Variants in CLTCL1 observed in about 807,000 individuals in gnomAD.
The protein encoded by CLTCL1 is clathrin heavy chain like 1, also known as clathrin heavy chain 2.
Under a neutral mutation model 190.0 loss-of-function variants are expected in CLTCL1, and 159 were observed. The observed-to-expected ratio is 0.84, with a 90% CI of 0.74 to 0.95. CLTCL1 has a LOEUF of 0.95. CLTCL1 is among the 40% of genes least tolerant of loss of function. The pLI is 0.00. For synonymous variants in CLTCL1, 752 were observed against 769.6 expected (o/e 0.98, Z 0.38); for missense variants, 1,878 against 2,033.4 (o/e 0.92, Z 1.47).
At chr22:19,233,055 C>T in intron 9 of CLTCL1, 111 bp downstream of exon 9, 5 of 1,159,310 alleles carry the variant, frequency 4.3e-6, no homozygotes, top group Non-Finnish European at 6.1e-6. Flanking sequence ...ACATTGCCAA[C>T]TCTCACACCA....
intron 19 of CLTCL1, among the ~76,000 whole-genome samples, chr22:19,212,397 CAA>C (rs548435992): frequency 1.3e-4 from 13 of 102,306 alleles, no homozygotes; most frequent in Admixed American, 2.0e-4. Context: ...CTGTCTCTAC[CAA>C]AAAAAAAAAA....
At chr22:19,185,201 C>T (rs890171266) in intron 29 of CLTCL1, among the ~76,000 whole-genome samples, 2 of 152,242 alleles carry the variant, frequency 1.3e-5, no homozygotes, top group African/African-American at 4.8e-5. Context: ...TTGTGGGCCC[C>T]ATCCCTGCCT....
At position 19,208,188 on chromosome 22, in the gene CLTCL1, A is replaced by C. The variant is rs1555944055; in HGVS notation, c.3566T>G (p.Phe1189Cys). Residue 1189 changes from phenylalanine (F) to cysteine (C), a missense_variant, in exon 22 of 33, where the codon TTT becomes TGT. Coordinates refer to ENST00000427926, the MANE Select transcript of CLTCL1 (RefSeq NM_007098.4). ...KTSRVSELED[F>C]INGPNNAHIQ... ...GTGGGCATTGTTGGGTCCATTAATA[A>C]AATCTTCTAGCTCAGAAACACGGCT... The C allele has an allele frequency of 6.2e-7, 1 of 1,613,848 alleles. No individual in the cohort carries two copies. The highest frequency in any genetic ancestry group is 2.2e-5 in the East Asian group (1 of 44,880).
chr22:19,218,868 A>G (rs1406438132), intron 18 of CLTCL1, among the ~76,000 whole-genome samples: 1 of 152,230 alleles, frequency 6.6e-6, no homozygotes, highest in Non-Finnish European at 1.5e-5. Context: ...CCAGTCTCCA[A>G]GGAGGTGCTG....
chr22:19,254,974 T>C (rs1244230916), intron 2 of CLTCL1, among the ~76,000 whole-genome samples: 7 of 152,228 alleles, frequency 4.6e-5, no homozygotes, highest in African/African-American at 1.7e-4. Flanking sequence ...TTTGGAATTA[T>C]ACAAAATTTA....
At chr22:19,267,945 C>T (rs1268637512) in intron 2 of CLTCL1, among the ~76,000 whole-genome samples, 1 of 151,718 alleles carries the variant, frequency 6.6e-6, no homozygotes, top group Non-Finnish European at 1.5e-5. Flanking sequence ...GCACTCTTAG[C>T]TATGACTCCA....
chr22:19,234,840 C>CCA, intron 6 of CLTCL1, 134 bp from the exon 7 acceptor site: 1 of 805,168 alleles, frequency 1.2e-6, no homozygotes, highest in Non-Finnish European at 2.0e-6. Flanking sequence ...GATGGTGGCC[C>CCA]TCACAGTGAA....
chr22:19,185,520 G>C (rs921806219), intron 29 of CLTCL1, among the ~76,000 whole-genome samples: 1 of 152,094 alleles, frequency 6.6e-6, no homozygotes, highest in Non-Finnish European at 1.5e-5. Context: ...TAGAGATGGG[G>C]TTTCACCATG....
chr22:19,192,851 G>A (rs2084559270), intron 26 of CLTCL1, among the ~76,000 whole-genome samples: 1 of 152,214 alleles, frequency 6.6e-6, no homozygotes, highest in Non-Finnish European at 1.5e-5. Context: ...TGGGCCCCCA[G>A]ACTCTGCCAC....
chr22:19,183,018 C>T (rs1482702497), intron 30 of CLTCL1: 2 of 283,356 alleles, frequency 7.1e-6, no homozygotes, highest in Admixed American at 4.9e-5. Flanking sequence ...CCCCAGACGC[C>T]ACTGGGAGCT....
chr22:19,271,080 C>A (rs1361222680), intron 2 of CLTCL1, among the ~76,000 whole-genome samples: 3 of 152,030 alleles, frequency 2.0e-5, no homozygotes, highest in Admixed American at 1.3e-4. Flanking sequence ...GGTGCCATTC[C>A]CCCTCTTCTA....
intron 18 of CLTCL1, among the ~76,000 whole-genome samples, chr22:19,219,156 G>GTTTT (rs569915815): frequency 7.8e-4 from 111 of 142,916 alleles, no homozygotes; most frequent in African/African-American, 2.9e-3. Context: ...GGACTAAGAT[G>GTTTT]TTTTATTTAT....
chr22:19,289,202 C>T (rs550823151), intron 1 of CLTCL1, among the ~76,000 whole-genome samples: 34 of 152,232 alleles, frequency 2.2e-4, no homozygotes, highest in African/African-American at 2.9e-4. Context: ...AGGCTGGTCT[C>T]GAACTCCTGA....
At chr22:19,264,164 T>C (rs782166654) in intron 2 of CLTCL1, among the ~76,000 whole-genome samples, 1 of 151,502 alleles carries the variant, frequency 6.6e-6, no homozygotes, top group African/African-American at 2.4e-5. Context: ...CTGGTTGTAG[T>C]GGCGCATGCC....
chr22:19,228,337 G>A (rs1206549), intron 11 of CLTCL1, among the ~76,000 whole-genome samples: 35,356 of 152,100 alleles, frequency 0.23, 5,000 homozygotes, highest in African/African-American at 0.39. Context: ...GACTGCCAGC[G>A]TCCTGGGGCA....
chr22:19,183,704 C>T lies in CLTCL1; in HGVS notation c.4606-93G>A, dbSNP rs2084218193. On this transcript the variant is annotated intron_variant, in intron 29 of 32. Coordinates refer to ENST00000427926, the MANE Select transcript of CLTCL1 (RefSeq NM_007098.4). Reference sequence around the variant, plus strand: ...CCGGAGGGCAGGGAGTGGCACTAGACTCCACCAAGGACTTCCTGCGCTGTG... The same window carrying T: ...CCGGAGGGCAGGGAGTGGCACTAGATTCCACCAAGGACTTCCTGCGCTGTG... 6 of 1,261,468 alleles carry T rather than the reference C, an allele frequency of 4.8e-6. No homozygotes were observed. In the East Asian group the frequency reaches 1.2e-4, roughly 26 times the overall value. The allele number at this position is 1,261,468 out of a possible 1,614,324, so 78.1% of individuals were successfully genotyped here.
At chr22:19,218,482 G>A (rs1301689354) in intron 18 of CLTCL1, among the ~76,000 whole-genome samples, 1 of 152,196 alleles carries the variant, frequency 6.6e-6, no homozygotes, top group African/African-American at 2.4e-5. Flanking sequence ...GGAAACAGTG[G>A]ACAGAAAACG....
intron 13 of CLTCL1, 41 bp from the exon 14 acceptor site, chr22:19,224,095 T>C: frequency 6.2e-7 from 1 of 1,607,866 alleles, no homozygotes; most frequent in Non-Finnish European, 8.5e-7. Flanking sequence ...TTGTAACACC[T>C]GCCTGTCTCC....
At chr22:19,208,581 C>G (rs1555944413) in intron 21 of CLTCL1, among the ~76,000 whole-genome samples, 1 of 151,954 alleles carries the variant, frequency 6.6e-6, no homozygotes, top group Admixed American at 6.6e-5. Context: ...TTCTGGACAT[C>G]AGAGAGGTCG....
Sources: gnomAD v4.1 joint callset for allele counts (sites outside exome capture counted in the v4.1 genomes callset) on GRCh38, gnomAD v4.1.1 for gene constraint, MANE v1.5 for transcripts, NCBI Gene and HGNC (gene_info 2026-07-23, HGNC 2026-07-21) for gene names.